The following KCNK9 variants were observed in gnomAD, a reference collection of about 807,000 sequenced individuals.
KCNK9 encodes potassium channel subfamily K member 9.
KCNK9 carries 1 observed loss-of-function variant against 10.8 expected under a neutral mutation model. The observed-to-expected ratio is 0.09, with a 90% CI of 0.03 to 0.44. The LOEUF is 0.44. Among genes scored for constraint, KCNK9 ranks in the 20% least tolerant of loss-of-function variants. The pLI is 0.97. For synonymous variants in KCNK9, 231 were observed against 222.7 expected (o/e 1.04, Z -0.33); for missense variants, 303 against 515.0 (o/e 0.59, Z 3.98).
chr8:139,613,567 G>GT (rs1814494749), downstream of KCNK9, among the ~76,000 whole-genome samples: 1 of 152,194 alleles, frequency 6.6e-6, no homozygotes, highest in African/African-American at 2.4e-5. Flanking sequence ...CAAGCTTCAA[G>GT]TGTGCCCAGG....
At position 139,619,162 on chromosome 8, in the gene KCNK9, A is replaced by AG; in HGVS notation, c.284-64dup. 2.5e-6 allele frequency: 4 copies of AG among 1,590,402 alleles called. No individual in the cohort carries two copies. In the South Asian group the frequency reaches 4.5e-5, roughly 18 times the overall value. On this transcript the variant is annotated intron_variant, in intron 1 of 1. Transcript: ENST00000520439. Reference sequence around the variant, plus strand: ...GAGGAGGGGTCTAGAGGTTGGGGGAAGGGAGGGTCGACTTGGTGCAGTGCA... The same window carrying AG: ...GAGGAGGGGTCTAGAGGTTGGGGGAAGGGGAGGGTCGACTTGGTGCAGTGCA...
intron 1 of KCNK9, among the ~76,000 whole-genome samples, chr8:139,687,373 T>C (rs138345309): frequency 0.014 from 1,852 of 132,902 alleles, 62 homozygotes; most frequent in East Asian, 0.054. Flanking sequence ...TATATGTGTA[T>C]ACATATATAT....
intron 1 of KCNK9, among the ~76,000 whole-genome samples, chr8:139,663,626 C>A (rs1428452030): frequency 6.7e-6 from 1 of 149,430 alleles, no homozygotes; most frequent in South Asian, 2.2e-4. Context: ...GTTTTCCCCC[C>A]AGGAACAGAC....
intron 1 of KCNK9, among the ~76,000 whole-genome samples, chr8:139,638,936 C>T (rs955384731): frequency 1.3e-5 from 2 of 152,152 alleles, no homozygotes; most frequent in African/African-American, 2.4e-5. Flanking sequence ...TTCACCAGTC[C>T]AACTCCTGCT....
At chr8:139,678,649 C>T (rs1236424821) in intron 1 of KCNK9, among the ~76,000 whole-genome samples, 6 of 152,368 alleles carry the variant, frequency 3.9e-5, no homozygotes, top group African/African-American at 1.4e-4. Context: ...AGAAACTCCA[C>T]AGCCAGTTCC....
chr8:139,688,259 T>C (rs988029980), intron 1 of KCNK9, among the ~76,000 whole-genome samples: 1 of 152,208 alleles, frequency 6.6e-6, no homozygotes. Context: ...CCTTCATGAC[T>C]GTCTTAATCC....
chr8:139,639,903 C>A (rs779273960), intron 1 of KCNK9, among the ~76,000 whole-genome samples: 14 of 152,206 alleles, frequency 9.2e-5, no homozygotes, highest in Non-Finnish European at 1.8e-4. Context: ...CTGCAAGATG[C>A]GCTAAGGACC....
intron 1 of KCNK9, among the ~76,000 whole-genome samples, chr8:139,664,300 C>A (rs1298649392): frequency 6.6e-6 from 1 of 152,170 alleles, no homozygotes; most frequent in Non-Finnish European, 1.5e-5. Context: ...GAGAGCAAAC[C>A]CTGCTGGTTC....
intron 1 of KCNK9, among the ~76,000 whole-genome samples, chr8:139,633,831 G>T (rs1252009277): frequency 6.6e-6 from 1 of 152,230 alleles, no homozygotes; most frequent in Admixed American, 6.5e-5. Context: ...CTGCGAGCGT[G>T]AAGACGACGA....
chr8:139,643,616 T>C (rs928058560), intron 1 of KCNK9, among the ~76,000 whole-genome samples: 9 of 152,088 alleles, frequency 5.9e-5, no homozygotes, highest in Non-Finnish European at 7.4e-5. Flanking sequence ...AGGGCACAGG[T>C]GTCCCCTGGC....
intron 2 of KCNK9, among the ~76,000 whole-genome samples, chr8:139,605,131 C>T (rs1817457757): frequency 2.0e-5 from 3 of 152,260 alleles, no homozygotes; most frequent in Non-Finnish European, 4.4e-5. Context: ...TGAGCACCTG[C>T]TAACTGCCTC....
At chr8:139,609,328 G>A (rs1814346193), downstream of KCNK9, among the ~76,000 whole-genome samples, 2 of 136,872 alleles carry the variant, frequency 1.5e-5, no homozygotes, top group Admixed American at 1.8e-4. Context: ...TACACTATAT[G>A]CAAGTCTAAG....
chr8:139,628,201 A>G (rs1815037985), intron 1 of KCNK9, among the ~76,000 whole-genome samples: 1 of 152,216 alleles, frequency 6.6e-6, no homozygotes. Context: ...GAGACCCACA[A>G]CATACACGGC....
At chr8:139,607,782 C>T (rs1814277572), downstream of KCNK9, among the ~76,000 whole-genome samples, 1 of 152,208 alleles carries the variant, frequency 6.6e-6, no homozygotes, top group Non-Finnish European at 1.5e-5. Flanking sequence ...CCTGTCTCTC[C>T]AAATTCCCCC....
Position 139,703,027 on chromosome 8 carries a change from C to T in KCNK9, c.-35G>A. ...CAAGGAGCCGGCGCGGGGGGCATGT[C>T]CCGCAGGCTCACAGCCGCGCGCGTC... On this transcript the variant is annotated 5_prime_UTR_variant, in exon 1 of 2. Transcript: ENST00000520439. This position sits in a 1 kb window ranked among gnomAD's most constrained non-coding sequence, Gnocchi z 6.4. 1 of 1,539,164 alleles carries T rather than the reference C, an allele frequency of 6.5e-7. No homozygotes were observed. Among genetic ancestry groups the T allele is most frequent in the South Asian group, 1.2e-5 (1 of 83,884 alleles).
downstream of KCNK9, among the ~76,000 whole-genome samples, chr8:139,607,990 T>C (rs931590958): frequency 3.3e-5 from 5 of 152,166 alleles, no homozygotes; most frequent in African/African-American, 4.8e-5. Context: ...AGGCCCCTGA[T>C]GTCTACACCA....
chr8:139,633,122 T>C (rs182658216), intron 1 of KCNK9, among the ~76,000 whole-genome samples: 28 of 151,694 alleles, frequency 1.8e-4, no homozygotes, highest in Admixed American at 1.8e-3. Flanking sequence ...CACAGGTACA[T>C]ACACACAGGC....
intron 1 of KCNK9, among the ~76,000 whole-genome samples, chr8:139,695,786 C>A (rs1178556251): frequency 2.6e-5 from 4 of 152,204 alleles, no homozygotes; most frequent in African/African-American, 9.7e-5. Flanking sequence ...CTCCTAGTTC[C>A]TGGGGCTCTA....
chr8:139,684,694 A>G (rs150501102), intron 1 of KCNK9, among the ~76,000 whole-genome samples: 56 of 152,350 alleles, frequency 3.7e-4, no homozygotes, highest in African/African-American at 1.3e-3. Flanking sequence ...CAAAAAACAT[A>G]AAACTAAAAT....
Sources: allele counts gnomAD v4.1 joint callset (sites outside exome capture counted in the v4.1 genomes callset), GRCh38; gene constraint gnomAD v4.1.1; non-coding constraint Gnocchi (gnomAD v3.1); transcripts MANE v1.5; gene names NCBI Gene and HGNC (gene_info 2026-07-23, HGNC 2026-07-21).